ADAM32: variants seen among roughly 807,000 people sequenced by gnomAD.
ADAM32 encodes the protein ADAM metallopeptidase domain 32, also known as disintegrin and metalloproteinase domain-containing protein 32.
Under a neutral mutation model 114.9 loss-of-function variants are expected in ADAM32, and 89 were observed. The ratio of observed to expected loss-of-function variants is 0.77; its 90% CI spans 0.65 to 0.92. ADAM32 has a LOEUF of 0.92. ADAM32 is among the 40% of genes least tolerant of loss of function. The pLI is 0.00. For missense variants in ADAM32, 870 were observed against 932.8 expected (o/e 0.93, Z 0.88); for synonymous variants, 285 against 307.5 (o/e 0.93, Z 0.77).
At chr8:39,224,361 T>G (rs1809197031) in intron 14 of ADAM32, among the ~76,000 whole-genome samples, 1 of 152,200 alleles carries the variant, frequency 6.6e-6, no homozygotes, top group Non-Finnish European at 1.5e-5. Context: ...TTGTTTTCCT[T>G]AGCAGCTGTA....
chr8:39,213,622 GA>G (rs1808371882), intron 12 of ADAM32, among the ~76,000 whole-genome samples: 1 of 152,104 alleles, frequency 6.6e-6, no homozygotes, highest in African/African-American at 2.4e-5. Context: ...ATAATCACAT[GA>G]AGGTAAATGA....
intron 6 of ADAM32, among the ~76,000 whole-genome samples, chr8:39,157,064 G>C (rs1407294636): frequency 1.3e-5 from 2 of 152,090 alleles, no homozygotes; most frequent in African/African-American, 4.8e-5. Flanking sequence ...GTCAGATATA[G>C]AATTCTTGTT....
At chr8:39,212,972 C>G (rs1808326120) in intron 12 of ADAM32, among the ~76,000 whole-genome samples, 1 of 151,990 alleles carries the variant, frequency 6.6e-6, no homozygotes, top group Non-Finnish European at 1.5e-5. Context: ...TTTGCATTTT[C>G]TTGATTACTT....
intron 1 of ADAM32, among the ~76,000 whole-genome samples, chr8:39,112,878 T>C (rs1419887172): frequency 1.3e-5 from 2 of 152,216 alleles, no homozygotes; most frequent in Non-Finnish European, 2.9e-5. Context: ...ATATCACATG[T>C]GTTGAATTGA....
intron 3 of ADAM32, among the ~76,000 whole-genome samples, chr8:39,139,541 T>C (rs1298706710): frequency 6.6e-6 from 1 of 152,212 alleles, no homozygotes; most frequent in Non-Finnish European, 1.5e-5. Context: ...TATATCTCTG[T>C]TTTGGTACCA....
At chr8:39,262,237 A>G (rs1374185851) in intron 19 of ADAM32, among the ~76,000 whole-genome samples, 1 of 151,158 alleles carries the variant, frequency 6.6e-6, no homozygotes, top group Non-Finnish European at 1.5e-5. Flanking sequence ...ATTGAGAGGT[A>G]GGGGTCCAGT....
At chr8:39,236,871 A>G (rs1224438726) in intron 16 of ADAM32, among the ~76,000 whole-genome samples, 3 of 152,250 alleles carry the variant, frequency 2.0e-5, no homozygotes, top group Admixed American at 6.5e-5. Flanking sequence ...ACTTACTTGC[A>G]GCTCCCACTT....
At chr8:39,244,952 A>G (rs1810807936) in intron 16 of ADAM32, among the ~76,000 whole-genome samples, 1 of 152,230 alleles carries the variant, frequency 6.6e-6, no homozygotes, top group African/African-American at 2.4e-5. Flanking sequence ...TTAGGTAAAG[A>G]GTTCATGAAC....
At chr8:39,236,082 T>C (rs2061719085) in intron 16 of ADAM32, among the ~76,000 whole-genome samples, 1 of 152,118 alleles carries the variant, frequency 6.6e-6, no homozygotes, top group South Asian at 2.1e-4. Context: ...AATAATGGAG[T>C]TGGGAATATA....
intron 16 of ADAM32, among the ~76,000 whole-genome samples, chr8:39,238,058 T>G (rs1038833106): frequency 1.3e-5 from 2 of 152,236 alleles, no homozygotes; most frequent in Non-Finnish European, 2.9e-5. Flanking sequence ...TACAACATTC[T>G]GGCTAACCAG....
intron 11 of ADAM32, among the ~76,000 whole-genome samples, chr8:39,193,285 T>C (rs1446174171): frequency 6.6e-6 from 1 of 152,224 alleles, no homozygotes. Flanking sequence ...TGGCTTGGTC[T>C]GTTCTGCTCT....
chr8:39,172,256 C>T (rs1314215396), intron 10 of ADAM32, among the ~76,000 whole-genome samples: 4 of 151,916 alleles, frequency 2.6e-5, no homozygotes, highest in Admixed American at 2.0e-4. Context: ...TCTGGAATAA[C>T]TCTTGATTTT....
intron 3 of ADAM32, among the ~76,000 whole-genome samples, chr8:39,141,987 GT>G (rs1444215363): frequency 6.6e-6 from 1 of 152,124 alleles, no homozygotes; most frequent in Non-Finnish European, 1.5e-5. Context: ...TTTAAAGTCT[GT>G]TTTATCAGAG....
intron 19 of ADAM32, among the ~76,000 whole-genome samples, chr8:39,267,317 T>C (rs184398868): frequency 5.2e-5 from 8 of 152,386 alleles, no homozygotes; most frequent in African/African-American, 1.4e-4. Context: ...TCTAGAATTT[T>C]ATATAAATGA....
Position 39,221,648 on chromosome 8 carries a change from T to C in ADAM32, c.1272T>C (p.Cys424=), listed in dbSNP as rs1024937060. Residue 424 remains cysteine, a synonymous_variant, in exon 13 of 25, where the codon TGT becomes TGC. Coordinates refer to ENST00000379907, the MANE Select transcript of ADAM32 (RefSeq NM_145004.7). ...CAAGCTGTTGTGATTTTCGAACTTG[T>C]GTACTGAAAGACGGAGCAAAATGTT... The part of the protein sequence containing the change: ...GPASCCDFRT[C]VLKDGAKCYK... The C allele has an allele frequency of 6.2e-7, 1 of 1,612,374 alleles. No individual in the cohort carries two copies. The highest frequency in any genetic ancestry group is 1.7e-5 in the Admixed American group (1 of 59,870).
At chr8:39,144,578 A>G (rs763759088) in intron 3 of ADAM32, among the ~76,000 whole-genome samples, 1 of 152,166 alleles carries the variant, frequency 6.6e-6, no homozygotes, top group Non-Finnish European at 1.5e-5. Flanking sequence ...TTAGTTTAGA[A>G]TGGGGGAGAG....
intron 16 of ADAM32, among the ~76,000 whole-genome samples, chr8:39,244,029 T>C (rs1027099234): frequency 1.3e-5 from 2 of 152,118 alleles, no homozygotes; most frequent in Non-Finnish European, 2.9e-5. Flanking sequence ...TCAACCCCTT[T>C]TATGGTAGGT....
rs1273474229 is a variant in ADAM32, at chr8:39,169,184, G to A, written c.834-732G>A. 2.6e-5 allele frequency: 4 copies of A among 152,146 alleles called. No individual in the cohort carries two copies. The South Asian group carries it at 6.2e-4, about 24-fold the overall frequency. The allele number at this position is 152,146 out of a possible 1,614,324, so 9.4% of individuals were successfully genotyped here. On this transcript the variant is annotated intron_variant, in intron 9 of 24. Transcript: ENST00000379907. ...TCTTTACTCACATCCTGGCTTATTC[G>A]TTTTGGTGGGGGCTCTAAATAAGGC... is the stretch of plus-strand genomic sequence containing the variant.
In ADAM32 at chr8:39,248,666, A is replaced by G. The variant is rs1043783209; in HGVS notation, c.1902+2500A>G. The stretch of plus-strand genomic sequence containing the variant: ...TTTTATTTCTTTCTTCCCAATCAGT[A>G]TACTTTTTTTATTATTTTATTGTAT... On this transcript the variant is annotated intron_variant, in intron 17 of 24. Coordinates refer to ENST00000379907, the MANE Select transcript of ADAM32 (RefSeq NM_145004.7). Among the ~76,000 whole-genome samples, 4 of 152,074 alleles carry G rather than the reference A, an allele frequency of 2.6e-5. No individual in the cohort carries two copies. In the South Asian group the frequency reaches 8.3e-4, roughly 32 times the overall value.
Sources: allele counts gnomAD v4.1 joint callset (sites outside exome capture counted in the v4.1 genomes callset), GRCh38; gene constraint gnomAD v4.1.1; transcripts MANE v1.5; gene names NCBI Gene and HGNC (gene_info 2026-07-23, HGNC 2026-07-21).